SUB1: variants seen among roughly 807,000 people sequenced by gnomAD.
The protein encoded by SUB1 is SUB1 regulator of transcription, also known as activated RNA polymerase II transcriptional coactivator p15.
SUB1 carries 1 observed loss-of-function variant against 16.9 expected under a neutral mutation model. The observed-to-expected ratio is 0.06, with a 90% CI of 0.02 to 0.28. SUB1 has a LOEUF of 0.28. SUB1 is among the 10% of genes least tolerant of loss of function. SUB1 has a pLI of 1.00. For synonymous variants in SUB1, 51 were observed against 46.9 expected (o/e 1.09, Z -0.36); for missense variants, 84 against 145.2 (o/e 0.58, Z 2.16).
intron 1 of SUB1, among the ~76,000 whole-genome samples, chr5:32,587,325 G>A (rs1237157088): frequency 6.6e-6 from 1 of 152,136 alleles, no homozygotes. Context: ...AGGTATCCAC[G>A]TATCTTGGAA....
Position 32,602,071 on chromosome 5 carries a change from A to G in SUB1, c.*987A>G, listed in dbSNP as rs190518348. On this transcript the variant is annotated 3_prime_UTR_variant, in exon 5 of 5. Coordinates refer to ENST00000265073, the MANE Select transcript of SUB1 (RefSeq NM_006713.4). ...GGTTAGTTTGTAGGGAAAAGAGCAT[A>G]TGAGCACATGCTTGTGTATTTTGGC... is the stretch of plus-strand genomic sequence containing the variant. 2.0e-4 allele frequency: 60 copies of G among 303,618 alleles called. No individual in the cohort carries two copies. In the East Asian group the frequency reaches 4.9e-3, roughly 25 times the overall value. The allele number at this position is 303,618 out of a possible 1,614,324, so 18.8% of individuals were successfully genotyped here.
At chr5:32,595,385 T>A (rs1418163117) in intron 3 of SUB1, 1 of 152,238 alleles carries the variant, frequency 6.6e-6, no homozygotes, top group African/African-American at 2.4e-5. Context: ...TCTACCACTA[T>A]AGATTTATGT....
In SUB1 at chr5:32,594,865, C is replaced by T. The variant is rs186916163; in HGVS notation, c.195+3180C>T. The T allele has an allele frequency of 1.4e-3, 243 of 177,092 alleles. 1 individual carries two copies. Among genetic ancestry groups the T allele is most frequent in the South Asian group, 2.8e-3 (26 of 9,306 alleles). The allele number at this position is 177,092 out of a possible 1,614,324, so 11.0% of individuals were successfully genotyped here. A position where few individuals can be genotyped will look rare whatever the true frequency, so the allele number is the denominator to read the frequency against. The stretch of plus-strand genomic sequence containing the variant: ...TCTTCCGTGAGACTGGTCCCTGGTG[C>T]CAAAAAGGTTAGGAACCACTGCTTT... On this transcript the variant is annotated intron_variant, in intron 3 of 4. Transcript: ENST00000265073.
chr5:32,586,028 C>T (rs770429895), intron 1 of SUB1: 1 of 152,428 alleles, frequency 6.6e-6, no homozygotes, highest in Non-Finnish European at 1.5e-5. Context: ...GCGGGGCGCT[C>T]TGGAGACTGG....
At chr5:32,591,277 C>T (rs372065011) in intron 2 of SUB1, 4 of 218,320 alleles carry the variant, frequency 1.8e-5, no homozygotes, top group Non-Finnish European at 2.7e-5. Context: ...CCAAAGAAAT[C>T]GTATGTGGGA....
At chr5:32,587,999 A>T (rs1389567555) in intron 1 of SUB1, among the ~76,000 whole-genome samples, 1 of 152,214 alleles carries the variant, frequency 6.6e-6, no homozygotes, top group South Asian at 2.1e-4. Flanking sequence ...ATAAAATATT[A>T]TGTAAAAATT....
At chr5:32,598,923 G>GA (rs766379496) in intron 3 of SUB1, 38 bp from the exon 4 acceptor site, 1 of 1,507,170 alleles carries the variant, frequency 6.6e-7, no homozygotes, top group Non-Finnish European at 9.2e-7. Context: ...TACCACTCTT[G>GA]AAAGGAGCAC....
intron 3 of SUB1, chr5:32,594,903 G>C (rs1738919918): frequency 6.3e-6 from 1 of 159,300 alleles, no homozygotes; most frequent in Admixed American, 6.1e-5. Flanking sequence ...CAGATCTTCA[G>C]AGGGGACAGG....
intron 2 of SUB1, among the ~76,000 whole-genome samples, chr5:32,590,027 G>T (rs1052668003): frequency 1.3e-5 from 2 of 152,112 alleles, no homozygotes; most frequent in Non-Finnish European, 2.9e-5. Context: ...TTTAAAATTT[G>T]CACCCTATAT....
At chr5:32,600,904 C>T (rs1191007207) in intron 4 of SUB1, 101 bp from the exon 5 acceptor site, 9 of 1,136,566 alleles carry the variant, frequency 7.9e-6, no homozygotes, top group African/African-American at 1.5e-5. Context: ...CGCGCCCAGC[C>T]TAAAGTGGCA....
At chr5:32,594,861 G>A (rs753363488) in intron 3 of SUB1, 4 of 177,966 alleles carry the variant, frequency 2.2e-5, no homozygotes, top group Admixed American at 5.7e-5. Context: ...ACTGGTCCCT[G>A]GTGCCAAAAA....
chr5:32,594,752 C>T (rs1738915940), intron 3 of SUB1: 1 of 221,662 alleles, frequency 4.5e-6, no homozygotes, highest in Non-Finnish European at 9.6e-6. Context: ...GTTCCTTATT[C>T]CTTATGAGAA....
rs993548854 is a variant in SUB1, at chr5:32,603,364, C to T, written c.*2280C>T. ...GGGCAGAAAACTTGGCATTTTTAGG[C>T]GTAGATACCTTACCTTACAATGCCA... On this transcript the variant is annotated 3_prime_UTR_variant, in exon 5 of 5. Coordinates refer to ENST00000265073, the MANE Select transcript of SUB1 (RefSeq NM_006713.4). The T allele has an allele frequency of 4.6e-5, 7 of 151,930 alleles. No homozygotes were observed. The highest frequency in any genetic ancestry group is 1.3e-4 in the Admixed American group (2 of 15,256). 9.4% of individuals were successfully genotyped at this position (151,930 alleles called of 1,614,324 possible).
chr5:32,588,384 C>G lies in SUB1; in HGVS notation c.-1-128C>G, dbSNP rs867729469. 8 of 788,974 alleles carry G rather than the reference C, an allele frequency of 1.0e-5. No individual in the cohort carries two copies. In the African/African-American group the frequency reaches 1.2e-4, roughly 12 times the overall value. 48.9% of individuals were successfully genotyped at this position (788,974 alleles called of 1,614,324 possible). A position where few individuals can be genotyped will look rare whatever the true frequency, so the allele number is the denominator to read the frequency against. On this transcript the variant is annotated intron_variant, in intron 1 of 4. Transcript: ENST00000265073. ...AAAACTTGTGCTCAGTGTAACAACT[C>G]AGTACCACAAAAATGGTAGAATGAA... is the stretch of plus-strand genomic sequence containing the variant.
chr5:32,603,325 G>T lies in SUB1; in HGVS notation c.*2241G>T, dbSNP rs1036884766. The T allele has an allele frequency of 2.0e-5, 3 of 152,116 alleles. No homozygotes were observed. The highest frequency in any genetic ancestry group is 2.9e-5 in the Non-Finnish European group (2 of 67,970). 9.4% of individuals were successfully genotyped at this position (152,116 alleles called of 1,614,324 possible). On this transcript the variant is annotated 3_prime_UTR_variant, in exon 5 of 5. Coordinates refer to ENST00000265073, the MANE Select transcript of SUB1 (RefSeq NM_006713.4). ...GTTTAAATTTTATCTCCTTGGTAAA[G>T]ATTTTTTTTTCCTGGGCAGAAAACT...
Position 32,603,221 on chromosome 5 carries a change from T to C in SUB1, c.*2137T>C, listed in dbSNP as rs1049654206. 1 of 152,170 alleles carries C rather than the reference T, an allele frequency of 6.6e-6. No individual in the cohort carries two copies. Among genetic ancestry groups the C allele is most frequent in the African/African-American group, 2.4e-5 (1 of 41,450 alleles). The allele number at this position is 152,170 out of a possible 1,614,324, so 9.4% of individuals were successfully genotyped here. A position where few individuals can be genotyped will look rare whatever the true frequency, so the allele number is the denominator to read the frequency against. ...CAGTATACTGAAATTATTAATCAGTTTGTGTATAGGAAAAGAGAACTGGGT... is the reference window on the plus strand; with the variant it reads ...CAGTATACTGAAATTATTAATCAGTCTGTGTATAGGAAAAGAGAACTGGGT... On this transcript the variant is annotated 3_prime_UTR_variant, in exon 5 of 5. Coordinates refer to ENST00000265073, the MANE Select transcript of SUB1 (RefSeq NM_006713.4).
intron 4 of SUB1, among the ~76,000 whole-genome samples, chr5:32,600,690 A>G (rs6883818): frequency 0.13 from 20,024 of 150,050 alleles, 3,347 homozygotes; most frequent in African/African-American, 0.39. Context: ...TGTAACTTCC[A>G]CCTCCCAGGT....
At chr5:32,592,313 G>A (rs943746410) in intron 3 of SUB1, among the ~76,000 whole-genome samples, 1 of 152,180 alleles carries the variant, frequency 6.6e-6, no homozygotes, top group African/African-American at 2.4e-5. Context: ...GGGACAGGAA[G>A]CAGCAATGTG....
intron 3 of SUB1, chr5:32,598,039 A>G (rs1214797660): frequency 6.7e-6 from 1 of 149,454 alleles, no homozygotes; most frequent in African/African-American, 2.4e-5. Context: ...TCCGTGGTAC[A>G]TATCAAGCAA....
Sources: gnomAD v4.1 joint callset for allele counts (sites outside exome capture counted in the v4.1 genomes callset) on GRCh38, gnomAD v4.1.1 for gene constraint, MANE v1.5 for transcripts, NCBI Gene and HGNC (gene_info 2026-07-23, HGNC 2026-07-21) for gene names.